Variants in XRCC4 observed in about 807,000 individuals in gnomAD.
XRCC4 encodes X-ray repair cross complementing 4.
Under a neutral mutation model 39.1 loss-of-function variants are expected in XRCC4, and 28 were observed. That is an observed-to-expected ratio of 0.72 (90% CI 0.53 to 0.98). The LOEUF (loss-of-function observed/expected upper bound fraction) is 0.98, where lower values mean the gene tolerates loss of function less well. XRCC4 is among the 50% of genes least tolerant of loss of function. XRCC4 has a pLI of 0.00. For synonymous variants in XRCC4, 123 were observed against 126.4 expected (o/e 0.97, Z 0.18); for missense variants, 350 against 376.4 (o/e 0.93, Z 0.58).
intron 7 of XRCC4, among the ~76,000 whole-genome samples, chr5:83,292,469 C>A (rs1428197907): frequency 6.6e-6 from 1 of 151,916 alleles, no homozygotes; most frequent in Non-Finnish European, 1.5e-5. Flanking sequence ...AGCTCAAAAT[C>A]TAATTTAAAA....
At chr5:83,151,142 A>G (rs1489660078) in intron 3 of XRCC4, among the ~76,000 whole-genome samples, 1 of 152,154 alleles carries the variant, frequency 6.6e-6, no homozygotes, top group Non-Finnish European at 1.5e-5. Flanking sequence ...ATTGAAATAG[A>G]ATAATTAGTT....
chr5:83,281,499 G>A (rs1754535399), intron 7 of XRCC4, among the ~76,000 whole-genome samples: 1 of 139,416 alleles, frequency 7.2e-6, no homozygotes, highest in South Asian at 2.2e-4. Context: ...ACTGTTTTTT[G>A]TTTTGTTTTT....
At chr5:83,233,648 G>T (rs983966561) in intron 6 of XRCC4, among the ~76,000 whole-genome samples, 2 of 151,420 alleles carry the variant, frequency 1.3e-5, no homozygotes, top group African/African-American at 4.9e-5. Flanking sequence ...AACACTTTGG[G>T]AGGCCAAGGC....
intron 3 of XRCC4, among the ~76,000 whole-genome samples, chr5:83,145,410 T>G (rs6866839): frequency 0.064 from 9,674 of 152,256 alleles, 1,020 homozygotes; most frequent in East Asian, 0.48. Flanking sequence ...TGAGGAGTAT[T>G]GGTTTTTTGA....
intron 3 of XRCC4, among the ~76,000 whole-genome samples, chr5:83,146,154 T>G (rs185984977): frequency 8.9e-4 from 135 of 152,300 alleles, no homozygotes; most frequent in Non-Finnish European, 1.4e-3. Context: ...ATTTGAAAAG[T>G]GGAAAACTTC....
At chr5:83,214,845 AAAATAAT>A (rs1390786716) in intron 6 of XRCC4, among the ~76,000 whole-genome samples, 18 of 125,224 alleles carry the variant, frequency 1.4e-4, no homozygotes, top group African/African-American at 4.6e-4. Flanking sequence ...TCAAAAAAAA[AAAATAAT>A]AATAATAAAA....
chr5:83,090,772 C>T (rs1460186715), intron 1 of XRCC4, among the ~76,000 whole-genome samples: 2 of 152,190 alleles, frequency 1.3e-5, no homozygotes, highest in Non-Finnish European at 2.9e-5. Context: ...ATTCCTATCA[C>T]TCAGGAAATT....
At chr5:83,082,740 T>TC (rs111231031) in intron 1 of XRCC4, among the ~76,000 whole-genome samples, 13,933 of 151,924 alleles carry the variant, frequency 0.092, 2,075 homozygotes, top group African/African-American at 0.32. Context: ...TTTTTTTTTT[T>TC]TGAGCCCTTT....
chr5:83,228,166 C>T (rs1178054148), intron 6 of XRCC4, among the ~76,000 whole-genome samples: 1 of 151,848 alleles, frequency 6.6e-6, no homozygotes, highest in East Asian at 1.9e-4. Context: ...TATGCATTTC[C>T]TTTATTTATT....
intron 3 of XRCC4, among the ~76,000 whole-genome samples, chr5:83,176,193 A>T (rs1282751993): frequency 6.6e-6 from 1 of 152,228 alleles, no homozygotes; most frequent in Admixed American, 6.5e-5. Context: ...TTACTTAGAC[A>T]TAATTCATTT....
intron 3 of XRCC4, among the ~76,000 whole-genome samples, chr5:83,145,621 T>C (rs4590162): frequency 0.46 from 69,649 of 152,042 alleles, 16,836 homozygotes; most frequent in African/African-American, 0.59. Flanking sequence ...ATTTAGAGCT[T>C]CTCTCCTCTG....
Position 83,280,553 on chromosome 5 carries a change from C to T in XRCC4, c.893+21876C>T, listed in dbSNP as rs983014537. ...CTGACATTCTGCACAGGCCCCTGCA[C>T]TGGAGCCCACACTCCGACCACTGTA... On this transcript the variant is annotated intron_variant, in intron 7 of 7. Coordinates refer to ENST00000396027, the MANE Select transcript of XRCC4 (RefSeq NM_003401.5). 4.9e-5 allele frequency: 27 copies of T among 547,646 alleles called. No homozygotes were observed. In the Admixed American group the frequency reaches 7.7e-4, roughly 16 times the overall value. 33.9% of individuals were successfully genotyped at this position (547,646 alleles called of 1,614,324 possible). A position where few individuals can be genotyped will look rare whatever the true frequency, so the allele number is the denominator to read the frequency against.
chr5:83,357,740 A>C (rs1364908377), downstream of XRCC4, among the ~76,000 whole-genome samples: 1 of 152,202 alleles, frequency 6.6e-6, no homozygotes, highest in Non-Finnish European at 1.5e-5. Context: ...CTGCCAAAAA[A>C]TCGAAGGTCA....
intron 7 of XRCC4, among the ~76,000 whole-genome samples, chr5:83,329,629 T>C (rs1756374721): frequency 6.6e-6 from 1 of 152,088 alleles, no homozygotes; most frequent in South Asian, 2.1e-4. Flanking sequence ...TCAGTAATGG[T>C]ACAAATTGAA....
chr5:83,134,885 A>C (rs1747810923), intron 3 of XRCC4, among the ~76,000 whole-genome samples: 1 of 152,144 alleles, frequency 6.6e-6, no homozygotes. Context: ...CACCTTGAAG[A>C]GCTGTGACAC....
chr5:83,286,990 C>A (rs575310922), intron 7 of XRCC4, among the ~76,000 whole-genome samples: 2 of 152,086 alleles, frequency 1.3e-5, no homozygotes, highest in South Asian at 4.2e-4. Context: ...AGACTGCCAC[C>A]AATAATAAAT....
At chr5:83,149,264 C>T (rs1748599653) in intron 3 of XRCC4, among the ~76,000 whole-genome samples, 1 of 152,046 alleles carries the variant, frequency 6.6e-6, no homozygotes, top group South Asian at 2.1e-4. Flanking sequence ...TTACTTTGGC[C>T]TGTTTTTCTA....
chr5:83,323,085 C>G (rs1047850715), intron 7 of XRCC4, among the ~76,000 whole-genome samples: 9 of 151,936 alleles, frequency 5.9e-5, no homozygotes, highest in Non-Finnish European at 7.4e-5. Context: ...TCTGATGGAT[C>G]TAGTTCTTTA....
At chr5:83,310,273 AAG>A (rs1755659787) in intron 7 of XRCC4, among the ~76,000 whole-genome samples, 1 of 152,152 alleles carries the variant, frequency 6.6e-6, no homozygotes, top group African/African-American at 2.4e-5. Context: ...CCATTCAACT[AAG>A]AGGAGCAAGA....
Sources: gnomAD v4.1 joint callset for allele counts (sites outside exome capture counted in the v4.1 genomes callset) on GRCh38, gnomAD v4.1.1 for gene constraint, MANE v1.5 for transcripts, NCBI Gene and HGNC (gene_info 2026-07-23, HGNC 2026-07-21) for gene names.